Variants in XYLT1 observed in about 807,000 individuals in gnomAD.
XYLT1 encodes the protein xylosyltransferase 1, also known as beta-D-xylosyltransferase 1.
In XYLT1, 36 loss-of-function variants were observed where a neutral mutation model predicts 91.3. The ratio of observed to expected loss-of-function variants is 0.39; its 90% CI spans 0.30 to 0.52. The LOEUF is 0.52. Ranked by LOEUF, XYLT1 falls within the 20% of genes least tolerant of loss-of-function variation. The pLI is 0.68. For synonymous variants in XYLT1, 588 were observed against 532.0 expected, an observed-to-expected ratio of 1.11 and a Z score of -1.45; for missense variants, 1,242 against 1,284.5, an observed-to-expected ratio of 0.97 and a Z score of 0.51.
At position 17,259,169 on chromosome 16, in the gene XYLT1, GC is replaced by G; in HGVS notation, c.731del (p.Gly244AlafsTer46). 6.3e-7 allele frequency: 1 copy of G among 1,599,694 alleles called. No homozygotes were observed. The highest frequency in any genetic ancestry group is 8.5e-7 in the Non-Finnish European group (1 of 1,173,004). ...GGTCATACTTGGTCTCGGGGGAGCT[GC>G]CCCCAGTTTTCCTGGCATGAGGCGG... ...SRPPHARKTGGSSPETKYDQP... is the reference protein window; with the variant it reads ...SRPPHARKTGXSSPETKYDQP... On this transcript the variant is annotated frameshift_variant, in exon 3 of 12. Coordinates refer to ENST00000261381, the MANE Select transcript of XYLT1 (RefSeq NM_022166.4). LOFTEE classifies it high-confidence loss of function.
intron 1 of XYLT1, among the ~76,000 whole-genome samples, chr16:17,468,983 C>T (rs528445135): frequency 2.2e-4 from 33 of 152,296 alleles, no homozygotes; most frequent in African/African-American, 7.5e-4. Context: ...AAGAAGAGAT[C>T]GCAGGACACT....
chr16:17,265,608 C>A (rs760854693), intron 2 of XYLT1, among the ~76,000 whole-genome samples: 4 of 152,156 alleles, frequency 2.6e-5, no homozygotes, highest in Non-Finnish European at 5.9e-5. Flanking sequence ...TAATTAAATG[C>A]AATAATGTCC....
chr16:17,180,710 T>C (rs1383086987), intron 5 of XYLT1, among the ~76,000 whole-genome samples: 2 of 152,180 alleles, frequency 1.3e-5, no homozygotes, highest in Admixed American at 1.3e-4. Context: ...TCTCCACTTT[T>C]GGATTAACTG....
chr16:17,304,293 G>A (rs1419379064), intron 2 of XYLT1, among the ~76,000 whole-genome samples: 1 of 152,194 alleles, frequency 6.6e-6, no homozygotes, highest in African/African-American at 2.4e-5. Flanking sequence ...AGGAGCAGAT[G>A]TGCTGGAATT....
At chr16:17,187,990 A>G (rs1194964016) in intron 5 of XYLT1, among the ~76,000 whole-genome samples, 1 of 151,946 alleles carries the variant, frequency 6.6e-6, no homozygotes, top group East Asian at 1.9e-4. Context: ...AAATCCTCTG[A>G]GTCTCCTGAA....
chr16:17,398,930 T>C (rs973532767), intron 1 of XYLT1, among the ~76,000 whole-genome samples: 8 of 150,390 alleles, frequency 5.3e-5, no homozygotes, highest in African/African-American at 2.0e-4. Context: ...TTGCAACCTC[T>C]ACCTCCCAGG....
In XYLT1 at chr16:17,409,286, C is replaced by T. The variant is rs575403428; in HGVS notation, c.364-51236G>A. Among the ~76,000 whole-genome samples the T allele has an allele frequency of 4.6e-4, 70 of 152,288 alleles. 2 individuals carry two copies. The South Asian group carries it at 0.013, about 29-fold the overall frequency. ...CCGGCAGTTTGAAGGCAAGGAGGAA[C>T]TGAAATAAACACATTAGACCCAAGA... On this transcript the variant is annotated intron_variant, in intron 1 of 11. Transcript: ENST00000261381.
chr16:17,191,069 C>T (rs1411115720), intron 5 of XYLT1, among the ~76,000 whole-genome samples: 4 of 152,060 alleles, frequency 2.6e-5, no homozygotes, highest in African/African-American at 7.2e-5. Context: ...TTTTAGCAGC[C>T]TGAAGCCATG....
At chr16:17,300,238 A>C (rs953802041) in intron 2 of XYLT1, among the ~76,000 whole-genome samples, 4 of 152,134 alleles carry the variant, frequency 2.6e-5, no homozygotes, top group Non-Finnish European at 5.9e-5. Context: ...TCTTTTAAGA[A>C]GTGTGCACAG....
chr16:17,224,301 A>G (rs2033024846), intron 3 of XYLT1, among the ~76,000 whole-genome samples: 1 of 152,194 alleles, frequency 6.6e-6, no homozygotes, highest in Non-Finnish European at 1.5e-5. Context: ...AACTTTCCAT[A>G]CATTTCTTAC....
chr16:17,141,516 G>T, intron 6 of XYLT1, 147 bp from the exon 7 acceptor site: 1 of 768,292 alleles, frequency 1.3e-6, no homozygotes, highest in Non-Finnish European at 2.1e-6. Flanking sequence ...GGCTCTGCGT[G>T]GAGTTTATCA....
intron 3 of XYLT1, among the ~76,000 whole-genome samples, chr16:17,215,699 G>GT (rs2032843530): frequency 1.3e-5 from 2 of 152,186 alleles, no homozygotes; most frequent in African/African-American, 4.8e-5. Context: ...AGTTAACTAG[G>GT]TAAGAGAAGA....
intron 2 of XYLT1, among the ~76,000 whole-genome samples, chr16:17,294,848 T>C (rs1191630028): frequency 1.3e-5 from 2 of 152,008 alleles, no homozygotes; most frequent in African/African-American, 4.8e-5. Context: ...GTGCATGGTG[T>C]AGGTATACAG....
chr16:17,218,024 C>T (rs2032892947), intron 3 of XYLT1, among the ~76,000 whole-genome samples: 1 of 151,858 alleles, frequency 6.6e-6, no homozygotes, highest in Non-Finnish European at 1.5e-5. Flanking sequence ...AATCCCAGCA[C>T]TTTGAGAGGT....
chr16:17,333,001 T>C (rs1423768799), intron 2 of XYLT1, among the ~76,000 whole-genome samples: 1 of 152,042 alleles, frequency 6.6e-6, no homozygotes, highest in African/African-American at 2.4e-5. Flanking sequence ...GAACCCTGAT[T>C]AACTGAGCCC....
At chr16:17,228,781 T>C (rs2033112453) in intron 3 of XYLT1, among the ~76,000 whole-genome samples, 1 of 152,172 alleles carries the variant, frequency 6.6e-6, no homozygotes, top group Admixed American at 6.5e-5. Flanking sequence ...TTTTACATGA[T>C]TGCTACTTAC....
intron 11 of XYLT1, among the ~76,000 whole-genome samples, chr16:17,115,483 C>CTT (rs58467134): frequency 7.3e-6 from 1 of 137,784 alleles, no homozygotes; most frequent in African/African-American, 2.7e-5. Context: ...GACCTAAATT[C>CTT]TTTTTTTTTT....
intron 3 of XYLT1, among the ~76,000 whole-genome samples, chr16:17,221,268 T>C (rs1371887689): frequency 6.6e-6 from 1 of 152,148 alleles, no homozygotes; most frequent in Non-Finnish European, 1.5e-5. Flanking sequence ...CCAGAAACAA[T>C]GCATACACAC....
chr16:17,274,060 C>T (rs777450655), intron 2 of XYLT1, among the ~76,000 whole-genome samples: 5 of 151,506 alleles, frequency 3.3e-5, no homozygotes, highest in African/African-American at 4.8e-5. Flanking sequence ...TACAGGTGCA[C>T]GTCACCATGC....
Sources: allele counts gnomAD v4.1 joint callset (sites outside exome capture counted in the v4.1 genomes callset), GRCh38; gene constraint gnomAD v4.1.1; transcripts MANE v1.5; gene names NCBI Gene and HGNC (gene_info 2026-07-23, HGNC 2026-07-21).